Variants in FAM3D observed in about 807,000 individuals in gnomAD.
FAM3D encodes the protein protein FAM3D.
Under a neutral mutation model 29.8 loss-of-function variants are expected in FAM3D, and 26 were observed. The ratio of observed to expected loss-of-function variants is 0.87; its 90% CI spans 0.64 to 1.21. The LOEUF (loss-of-function observed/expected upper bound fraction) is 1.21, where lower values mean the gene tolerates loss of function less well. Among genes scored for constraint, FAM3D ranks in the 50% most tolerant of loss-of-function variants. The pLI is 0.00. For synonymous variants in FAM3D, 115 were observed against 102.3 expected (o/e 1.12, Z -0.75); for missense variants, 253 against 290.9 (o/e 0.87, Z 0.95).
chr3:58,646,240 C>T (rs2066476591), intron 4 of FAM3D, among the ~76,000 whole-genome samples: 1 of 152,206 alleles, frequency 6.6e-6, no homozygotes, highest in African/African-American at 2.4e-5. Flanking sequence ...CTACTAAGTG[C>T]CTGATGCTGG....
intron 1 of FAM3D, among the ~76,000 whole-genome samples, chr3:58,663,096 A>G (rs1359583550): frequency 3.3e-5 from 5 of 152,200 alleles, no homozygotes; most frequent in Non-Finnish European, 5.9e-5. Flanking sequence ...ACAAGCTTTC[A>G]ACATGTTGGC....
At chr3:58,644,254 G>C (rs2066416607) in intron 5 of FAM3D, among the ~76,000 whole-genome samples, 1 of 152,200 alleles carries the variant, frequency 6.6e-6, no homozygotes, top group Non-Finnish European at 1.5e-5. Context: ...GGCTGATATG[G>C]TTTGGCTGTG....
At chr3:58,663,048 G>A (rs2083947) in intron 1 of FAM3D, among the ~76,000 whole-genome samples, 121,652 of 152,156 alleles carry the variant, frequency 0.8, 49,979 homozygotes, top group Non-Finnish European at 0.9. Context: ...ACAGGCATCC[G>A]CCCCCATGCC....
In FAM3D at chr3:58,634,026, C is replaced by T; in HGVS notation, c.*253G>A. 1 of 469,194 alleles carries T rather than the reference C, an allele frequency of 2.1e-6. No homozygotes were observed. The highest frequency in any genetic ancestry group is 3.8e-6 in the Non-Finnish European group (1 of 265,454). 29.1% of individuals were successfully genotyped at this position (469,194 alleles called of 1,614,324 possible). On this transcript the variant is annotated 3_prime_UTR_variant, in exon 10 of 10. Transcript: ENST00000358781. This position sits in a 1 kb window ranked among gnomAD's most constrained non-coding sequence, Gnocchi z 4.6. ...TCCTCAGGACCAGCCGTCAGCAGTC[C>T]CTGACGAAAGCACCCCATTCTCTCC... is the stretch of plus-strand genomic sequence containing the variant.
chr3:58,645,424 C>A, intron 5 of FAM3D, 85 bp downstream of exon 5: 1 of 1,094,742 alleles, frequency 9.1e-7, no homozygotes. Context: ...ACAGGCCAGC[C>A]CCTGCAGCCT....
intron 6 of FAM3D, among the ~76,000 whole-genome samples, chr3:58,642,602 C>T (rs1007222729): frequency 6.6e-6 from 1 of 152,304 alleles, no homozygotes; most frequent in South Asian, 2.1e-4. Context: ...TTACCTGACC[C>T]TGTAAGTCCA....
intron 6 of FAM3D, among the ~76,000 whole-genome samples, chr3:58,640,592 AT>A (rs1476120941): frequency 4.3e-4 from 65 of 152,392 alleles, no homozygotes; most frequent in African/African-American, 1.6e-3. Context: ...AGTCGTCATT[AT>A]TATTCCCACC....
intron 7 of FAM3D, among the ~76,000 whole-genome samples, chr3:58,639,484 C>A (rs539392768): frequency 1.3e-5 from 2 of 152,314 alleles, no homozygotes; most frequent in South Asian, 4.2e-4. Flanking sequence ...GGACTCCAGG[C>A]AGAATGTCTG....
At position 58,637,154 on chromosome 3, in the gene FAM3D, C is replaced by T. The variant is rs761002325; in HGVS notation, c.445G>A (p.Asp149Asn). 21 of 1,613,870 alleles carry T rather than the reference C, an allele frequency of 1.3e-5. No homozygotes were observed. Among genetic ancestry groups the T allele is most frequent in the East Asian group, 2.2e-5 (1 of 44,888 alleles). ...GALVLVASYDDPGTKMNDESR... is the reference protein window; with the variant it reads ...GALVLVASYDNPGTKMNDESR... Reference sequence around the variant, plus strand: ...TTTTCTACTTACTTGGTCCCTGGATCGTCGTAGGAGGCCACCAGCACCAGT... The same window carrying T: ...TTTTCTACTTACTTGGTCCCTGGATTGTCGTAGGAGGCCACCAGCACCAGT... Residue 149 changes from aspartate to asparagine, a missense_variant, in exon 8 of 10, where the codon GAT becomes AAT. By Grantham distance (23) the Asp-to-Asn change is conservative. Transcript: ENST00000358781.
chr3:58,652,718 C>A (rs755135903), intron 3 of FAM3D, among the ~76,000 whole-genome samples: 1 of 152,166 alleles, frequency 6.6e-6, no homozygotes, highest in Non-Finnish European at 1.5e-5. Context: ...ATTCTCCACC[C>A]ACTCATTCAT....
Position 58,634,391 on chromosome 3 carries a change from A to T in FAM3D, c.586-23T>A, listed in dbSNP as rs531119527. Reference sequence around the variant, plus strand: ...GAACTAGAGAGAGAGAAGACAGAGAAATATAGGCAGTGAGTGAGGCTGTTC... The same window carrying T: ...GAACTAGAGAGAGAGAAGACAGAGATATATAGGCAGTGAGTGAGGCTGTTC... On this transcript the variant is annotated intron_variant, in intron 9 of 9. Transcript: ENST00000358781. This position sits in a 1 kb window ranked among gnomAD's most constrained non-coding sequence, Gnocchi z 4.6. 42 of 1,607,102 alleles carry T rather than the reference A, an allele frequency of 2.6e-5. No individual in the cohort carries two copies. The South Asian group carries it at 3.7e-4, about 14-fold the overall frequency.
intron 6 of FAM3D, among the ~76,000 whole-genome samples, 191 bp downstream of exon 6, chr3:58,643,471 C>T (rs376853959): frequency 4.5e-4 from 69 of 152,340 alleles, no homozygotes; most frequent in African/African-American, 1.5e-3. Context: ...GCTAGCTCTG[C>T]GGTTCTACAG....
intron 7 of FAM3D, among the ~76,000 whole-genome samples, chr3:58,638,786 C>T: frequency 6.6e-6 from 1 of 152,216 alleles, no homozygotes; most frequent in East Asian, 1.9e-4. Context: ...AGCTGCCAGC[C>T]AGCTCAGTGA....
intron 6 of FAM3D, among the ~76,000 whole-genome samples, chr3:58,641,130 C>G (rs1159268906): frequency 6.6e-6 from 1 of 152,214 alleles, no homozygotes; most frequent in African/African-American, 2.4e-5. Flanking sequence ...CTTAGCAATC[C>G]TTGTGTTGTT....
intron 3 of FAM3D, among the ~76,000 whole-genome samples, chr3:58,650,119 G>A (rs752455201): frequency 9.9e-5 from 15 of 152,176 alleles, no homozygotes; most frequent in Non-Finnish European, 2.2e-4. Context: ...GTTCTACATC[G>A]TATCTCCCAC....
rs552999711 is a variant in FAM3D at position 58,655,140 on chromosome 3, A to C, written c.13+411T>G. On this transcript the variant is annotated intron_variant, in intron 2 of 9. Coordinates refer to ENST00000358781, the MANE Select transcript of FAM3D (RefSeq NM_138805.3). The stretch of plus-strand genomic sequence containing the variant: ...TCTAGAATGTAAATGAGGCAGGTGC[A>C]TTTCGTGTCTGCTGCCTCAGTTTCC... 4.6e-5 allele frequency among the ~76,000 whole-genome samples: 7 copies of C among 152,308 alleles called. No homozygotes were observed. The South Asian group carries it at 8.3e-4, about 18-fold the overall frequency.
chr3:58,638,096 C>T (rs2066226854), intron 7 of FAM3D, among the ~76,000 whole-genome samples: 1 of 152,138 alleles, frequency 6.6e-6, no homozygotes, highest in African/African-American at 2.4e-5. Context: ...GTTGGTCAGG[C>T]TGGTCTCGAA....
Position 58,642,374 on chromosome 3 carries a change from C to T in FAM3D, c.322+1288G>A, listed in dbSNP as rs188258432. On this transcript the variant is annotated intron_variant, in intron 6 of 9. Coordinates refer to ENST00000358781, the MANE Select transcript of FAM3D (RefSeq NM_138805.3). Reference sequence around the variant, plus strand: ...TGCAGGGGCTTGGAGCTGGCAAGGCCGGGGCTCCCATCCTACCCTGTTCCT... The same window carrying T: ...TGCAGGGGCTTGGAGCTGGCAAGGCTGGGGCTCCCATCCTACCCTGTTCCT... Among the ~76,000 whole-genome samples the T allele has an allele frequency of 1.7e-4, 26 of 152,306 alleles. No individual in the cohort carries two copies. In the East Asian group the frequency reaches 4.8e-3, roughly 28 times the overall value.
rs2066088469 is a variant in FAM3D, at chr3:58,634,022, A to C, written c.*257T>G. The C allele has an allele frequency of 4.3e-6, 2 of 463,596 alleles. No individual in the cohort carries two copies. Among genetic ancestry groups the C allele is most frequent in the African/African-American group, 2.0e-5 (1 of 49,174 alleles). 28.7% of individuals were successfully genotyped at this position (463,596 alleles called of 1,614,324 possible). On this transcript the variant is annotated 3_prime_UTR_variant, in exon 10 of 10. Coordinates refer to ENST00000358781, the MANE Select transcript of FAM3D (RefSeq NM_138805.3). This position sits in a 1 kb window ranked among gnomAD's most constrained non-coding sequence, Gnocchi z 4.6. ...TCCTTCCTCAGGACCAGCCGTCAGCAGTCCCTGACGAAAGCACCCCATTCT... is the reference window on the plus strand; with the variant it reads ...TCCTTCCTCAGGACCAGCCGTCAGCCGTCCCTGACGAAAGCACCCCATTCT...
Sources: allele counts gnomAD v4.1 joint callset (sites outside exome capture counted in the v4.1 genomes callset), GRCh38; gene constraint gnomAD v4.1.1; non-coding constraint Gnocchi (gnomAD v3.1); transcripts MANE v1.5; gene names NCBI Gene and HGNC (gene_info 2026-07-23, HGNC 2026-07-21).